The following RPS6KA2 variants were observed in gnomAD, a reference collection of about 807,000 sequenced individuals.
RPS6KA2 encodes ribosomal protein S6 kinase alpha-2.
Under a neutral mutation model 91.8 loss-of-function variants are expected in RPS6KA2, and 42 were observed. The observed-to-expected ratio is 0.46, with a 90% confidence interval of 0.36 to 0.59. The LOEUF is 0.59. Among genes scored for constraint, RPS6KA2 ranks in the 20% least tolerant of loss-of-function variants. The pLI is 0.00. For synonymous variants in RPS6KA2, 414 were observed against 393.6 expected (o/e 1.05, Z -0.61); for missense variants, 798 against 978.5 (o/e 0.82, Z 2.46).
intron 1 of RPS6KA2, among the ~76,000 whole-genome samples, chr6:166,548,850 T>G (rs1307935224): frequency 1.3e-5 from 2 of 152,192 alleles, no homozygotes; most frequent in African/African-American, 4.8e-5. Context: ...TCATCAAAAT[T>G]TAAAGCTTTT....
chr6:166,855,664 T>C (rs1780880955), intron 2 of RPS6KA2, among the ~76,000 whole-genome samples: 1 of 152,192 alleles, frequency 6.6e-6, no homozygotes, highest in Non-Finnish European at 1.5e-5. Flanking sequence ...CACAACATCA[T>C]AGAGTATTCA....
intron 2 of RPS6KA2, 143 bp from the exon 3 acceptor site, chr6:166,531,456 A>G (rs1783274129): frequency 1.5e-6 from 1 of 660,924 alleles, no homozygotes; most frequent in African/African-American, 1.8e-5. Flanking sequence ...AATTTTCTCC[A>G]ACGTCAAGGC....
chr6:166,829,405 C>T (rs1780122538), intron 2 of RPS6KA2, among the ~76,000 whole-genome samples: 1 of 151,844 alleles, frequency 6.6e-6, no homozygotes, highest in Admixed American at 6.6e-5. Context: ...TCCTGGCTAA[C>T]ACAGAGAAAC....
At position 166,433,837 on chromosome 6, in the gene RPS6KA2, A is replaced by G. The variant is rs1779213231; in HGVS notation, c.1333-1347T>C. 6.6e-6 allele frequency among the ~76,000 whole-genome samples: 1 copy of G among 152,140 alleles called. No individual in the cohort carries two copies. The highest frequency in any genetic ancestry group is 1.5e-5 in the Non-Finnish European group (1 of 68,028). The stretch of plus-strand genomic sequence containing the variant: ...TGGTACAAGCATAGTTCACTGCAAC[A>G]TCAAACCCCTGGGCTCAAGTGATCC... On this transcript the variant is annotated intron_variant, in intron 14 of 20. Coordinates refer to ENST00000265678, the MANE Select transcript of RPS6KA2 (RefSeq NM_021135.6). This position sits in a 1 kb window ranked among gnomAD's most constrained non-coding sequence, Gnocchi z 4.4.
chr6:166,725,715 C>T lies in RPS6KA2; in HGVS notation c.123+132485G>A, dbSNP rs192449189. Among the ~76,000 whole-genome samples, 256 of 152,350 alleles carry T rather than the reference C, an allele frequency of 1.7e-3. 2 individuals carry two copies. Among genetic ancestry groups the T allele is most frequent in the African/African-American group, 5.2e-3 (218 of 41,588 alleles). Reference sequence around the variant, plus strand: ...CTGCCTTCTCTTCAGATGCTGGGGACGAGAGTGAAGCTCCGAGTTTCTGCT... The same window carrying T: ...CTGCCTTCTCTTCAGATGCTGGGGATGAGAGTGAAGCTCCGAGTTTCTGCT... On this transcript the variant is annotated intron_variant, in intron 2 of 21. Transcript: ENST00000503859.
At chr6:166,813,638 G>C (rs1258756497) in intron 2 of RPS6KA2, among the ~76,000 whole-genome samples, 1 of 152,118 alleles carries the variant, frequency 6.6e-6, no homozygotes, top group Non-Finnish European at 1.5e-5. Context: ...ATCTGGTGTT[G>C]CTGGGAATCC....
chr6:166,760,215 G>C (rs1778129761), intron 2 of RPS6KA2, among the ~76,000 whole-genome samples: 1 of 152,198 alleles, frequency 6.6e-6, no homozygotes, highest in South Asian at 2.1e-4. Context: ...CCTGGGGAAT[G>C]GCGATTTGGA....
chr6:166,734,155 G>A (rs1421662584), intron 2 of RPS6KA2, among the ~76,000 whole-genome samples: 1 of 152,202 alleles, frequency 6.6e-6, no homozygotes, highest in Non-Finnish European at 1.5e-5. Context: ...GGCCCCTGAG[G>A]GGCAAGGGGG....
intron 2 of RPS6KA2, among the ~76,000 whole-genome samples, chr6:166,713,351 C>T (rs144799662): frequency 7.8e-4 from 118 of 152,122 alleles, no homozygotes; most frequent in Middle Eastern, 6.8e-3. Flanking sequence ...TAAAGTCATG[C>T]TTGATTAAAT....
chr6:166,572,554 C>T (rs575703689), intron 1 of RPS6KA2, among the ~76,000 whole-genome samples: 14 of 152,382 alleles, frequency 9.2e-5, no homozygotes, highest in Non-Finnish European at 1.8e-4. Context: ...GATGTTCTCA[C>T]ATAGCTCTCA....
intron 2 of RPS6KA2, among the ~76,000 whole-genome samples, chr6:166,696,322 G>A (rs764395338): frequency 2.7e-4 from 41 of 152,118 alleles, no homozygotes; most frequent in Non-Finnish European, 4.7e-4. Context: ...GATGCTCATC[G>A]GAAACCTGAA....
intron 2 of RPS6KA2, among the ~76,000 whole-genome samples, chr6:166,777,040 T>G (rs752315361): frequency 6.6e-6 from 1 of 152,128 alleles, no homozygotes; most frequent in Non-Finnish European, 1.5e-5. Flanking sequence ...TGGTGGTCTT[T>G]TTGTTGTTCA....
chr6:166,720,652 T>C (rs556571658), intron 2 of RPS6KA2, among the ~76,000 whole-genome samples: 176 of 152,366 alleles, frequency 1.2e-3, no homozygotes, highest in African/African-American at 3.8e-3. Flanking sequence ...TTTCTAACTC[T>C]AAATAAAGGG....
chr6:166,802,413 C>T, intron 2 of RPS6KA2, among the ~76,000 whole-genome samples: 1 of 151,942 alleles, frequency 6.6e-6, no homozygotes, highest in East Asian at 1.9e-4. Context: ...CTACACAAAA[C>T]ATAAGATTTA....
intron 2 of RPS6KA2, among the ~76,000 whole-genome samples, chr6:166,790,068 T>G (rs967329982): frequency 6.6e-6 from 1 of 152,080 alleles, no homozygotes; most frequent in Non-Finnish European, 1.5e-5. Flanking sequence ...TACTCTGAGC[T>G]ACAGAAGGAA....
In RPS6KA2 at chr6:166,435,324, A is replaced by C. The variant is rs1460339670; in HGVS notation, c.1333-2834T>G. Reference sequence around the variant, plus strand: ...TAAAAACTATCTTAAATTGTAATAAAAGCTAGCATGTATGTGCACATGTGA... The same window carrying C: ...TAAAAACTATCTTAAATTGTAATAACAGCTAGCATGTATGTGCACATGTGA... On this transcript the variant is annotated intron_variant, in intron 14 of 20. Coordinates refer to ENST00000265678, the MANE Select transcript of RPS6KA2 (RefSeq NM_021135.6). This position sits in a 1 kb window ranked among gnomAD's most constrained non-coding sequence, Gnocchi z 4.3. Among the ~76,000 whole-genome samples the C allele has an allele frequency of 6.6e-6, 1 of 152,206 alleles. No individual in the cohort carries two copies. Among genetic ancestry groups the C allele is most frequent in the Non-Finnish European group, 1.5e-5 (1 of 68,042 alleles).
Position 166,410,407 on chromosome 6 carries a change from C to T in RPS6KA2, c.*2355G>A, listed in dbSNP as rs1255454823. On this transcript the variant is annotated 3_prime_UTR_variant, in exon 21 of 21. Coordinates refer to ENST00000265678, the MANE Select transcript of RPS6KA2 (RefSeq NM_021135.6). ...TGAAAGCTTAGTTTAACATATGATA[C>T]CATAACTTCTTTAGGCTGACTTTTG... 3 of 152,526 alleles carry T rather than the reference C, an allele frequency of 2.0e-5. No individual in the cohort carries two copies. The highest frequency in any genetic ancestry group is 7.2e-5 in the African/African-American group (3 of 41,420). 9.4% of individuals were successfully genotyped at this position (152,526 alleles called of 1,614,324 possible). A position where few individuals can be genotyped will look rare whatever the true frequency, so the allele number is the denominator to read the frequency against.
intron 10 of RPS6KA2, among the ~76,000 whole-genome samples, chr6:166,477,108 C>T (rs960378125): frequency 8.5e-5 from 13 of 152,200 alleles, no homozygotes; most frequent in African/African-American, 3.1e-4. Flanking sequence ...TACCTGGCTC[C>T]AGCTCCGCAG....
intron 1 of RPS6KA2, among the ~76,000 whole-genome samples, chr6:166,621,113 G>A (rs57241314): frequency 6.6e-6 from 1 of 152,226 alleles, no homozygotes; most frequent in Non-Finnish European, 1.5e-5. Flanking sequence ...ATCAGGTAGG[G>A]CTCTCATATC....
Sources: allele counts gnomAD v4.1 joint callset (sites outside exome capture counted in the v4.1 genomes callset), GRCh38; gene constraint gnomAD v4.1.1; non-coding constraint Gnocchi (gnomAD v3.1); transcripts MANE v1.5; gene names NCBI Gene and HGNC (gene_info 2026-07-23, HGNC 2026-07-21).